Variants in TMEM245 observed in about 807,000 individuals in gnomAD.
TMEM245 encodes protein CG-2.
A neutral mutation model predicts 101.2 loss-of-function variants in TMEM245; 69 were observed. The observed-to-expected ratio is 0.68, with a 90% CI of 0.56 to 0.83. The LOEUF (loss-of-function observed/expected upper bound fraction) is 0.83, where lower values mean the gene tolerates loss of function less well. Among genes scored for constraint, TMEM245 ranks in the 40% least tolerant of loss-of-function variants. The pLI is 0.00. For synonymous variants in TMEM245, 537 were observed against 449.8 expected, an observed-to-expected ratio of 1.19 and a Z score of -2.45; for missense variants, 1,075 against 1,092.8, an observed-to-expected ratio of 0.98 and a Z score of 0.23.
chr9:109,049,782 A>G (rs935352983), intron 14 of TMEM245, among the ~76,000 whole-genome samples: 23 of 152,144 alleles, frequency 1.5e-4, no homozygotes, highest in African/African-American at 5.3e-4. Flanking sequence ...AGCCAAGATC[A>G]CACCACTGCA....
intron 16 of TMEM245, chr9:109,035,886 T>C (rs1027435374): frequency 5.7e-5 from 9 of 157,196 alleles, no homozygotes; most frequent in Admixed American, 4.9e-4. Context: ...AAGGCTGCCA[T>C]GAGCCATGAC....
In TMEM245 at chr9:109,116,406, G is replaced by T. The variant is rs978654418; in HGVS notation, c.579+2929C>A. Among the ~76,000 whole-genome samples the T allele has an allele frequency of 3.9e-5, 6 of 152,154 alleles. No individual in the cohort carries two copies. The South Asian group carries it at 8.3e-4, about 21-fold the overall frequency. On this transcript the variant is annotated intron_variant, in intron 1 of 17. Coordinates refer to ENST00000374586, the MANE Select transcript of TMEM245 (RefSeq NM_032012.4). ...TTTCTTATTTTAAAAGACTGGGGGT[G>T]GGGGAGGTCTCACTATGTTGCCCAG...
At chr9:109,024,216 C>T (rs1036464272) in intron 17 of TMEM245, among the ~76,000 whole-genome samples, 1 of 152,212 alleles carries the variant, frequency 6.6e-6, no homozygotes, top group Non-Finnish European at 1.5e-5. Flanking sequence ...GTGTGTATTT[C>T]CTACACCGGC....
chr9:109,083,891 A>C, intron 7 of TMEM245, among the ~76,000 whole-genome samples: 1 of 119,946 alleles, frequency 8.3e-6, no homozygotes, highest in Non-Finnish European at 1.8e-5. Context: ...CCCCATCTCT[A>C]CTAAAAATAC....
At chr9:109,117,240 G>T (rs1206567994) in intron 1 of TMEM245, among the ~76,000 whole-genome samples, 2 of 151,016 alleles carry the variant, frequency 1.3e-5, no homozygotes, top group Non-Finnish European at 1.5e-5. Context: ...CTCCCAAATA[G>T]TTGGGATTAC....
intron 14 of TMEM245, among the ~76,000 whole-genome samples, chr9:109,049,159 C>T (rs1828595166): frequency 6.6e-6 from 1 of 152,202 alleles, no homozygotes; most frequent in Non-Finnish European, 1.5e-5. Context: ...TAGACCATTA[C>T]ATCTTTGTAA....
chr9:109,040,219 T>C (rs1033610675), intron 14 of TMEM245, among the ~76,000 whole-genome samples: 25 of 152,330 alleles, frequency 1.6e-4, no homozygotes, highest in African/African-American at 6.0e-4. Context: ...TCATTACTTG[T>C]GATCTGGCAC....
rs554801811 is a variant in TMEM245 at position 109,046,492 on chromosome 9, G to A, written c.2123+3791C>T. Among the ~76,000 whole-genome samples the A allele has an allele frequency of 3.3e-5, 5 of 152,292 alleles. No homozygotes were observed. The East Asian group carries it at 9.6e-4, about 29-fold the overall frequency. The stretch of plus-strand genomic sequence containing the variant: ...AATACTTATTCAGAATCAAAATAAT[G>A]AGTAAGGTTCAAAACTTCAATGAGA... On this transcript the variant is annotated intron_variant, in intron 14 of 17. Coordinates refer to ENST00000374586, the MANE Select transcript of TMEM245 (RefSeq NM_032012.4).
chr9:109,060,154 G>A (rs774278156), intron 11 of TMEM245, among the ~76,000 whole-genome samples, 200 bp downstream of exon 11: 1 of 152,164 alleles, frequency 6.6e-6, no homozygotes, highest in African/African-American at 2.4e-5. Flanking sequence ...GAATACTGAC[G>A]CACCAGAGAG....
At chr9:109,031,713 CCTGT>C (rs543972926) in intron 17 of TMEM245, among the ~76,000 whole-genome samples, 270 of 152,192 alleles carry the variant, frequency 1.8e-3, no homozygotes, top group African/African-American at 2.9e-3. Flanking sequence ...AAAAAATCAA[CCTGT>C]CTATTTAGAG....
At chr9:109,039,924 T>C (rs1385902483) in intron 14 of TMEM245, among the ~76,000 whole-genome samples, 1 of 152,108 alleles carries the variant, frequency 6.6e-6, no homozygotes, top group Admixed American at 6.5e-5. Context: ...TGATCCTTTC[T>C]TTAACCTTAT....
intron 15 of TMEM245, among the ~76,000 whole-genome samples, chr9:109,036,754 T>C (rs1828138936): frequency 6.6e-6 from 1 of 152,180 alleles, no homozygotes; most frequent in Non-Finnish European, 1.5e-5. Context: ...AGAAATTAGT[T>C]TCTAAACCTC....
At chr9:109,053,271 A>C (rs1828738980) in intron 12 of TMEM245, among the ~76,000 whole-genome samples, 1 of 152,098 alleles carries the variant, frequency 6.6e-6, no homozygotes, top group Non-Finnish European at 1.5e-5. Flanking sequence ...ACTAACATAC[A>C]AAAAAATTAG....
intron 3 of TMEM245, among the ~76,000 whole-genome samples, chr9:109,102,531 T>A (rs1010155509): frequency 2.0e-5 from 3 of 152,362 alleles, no homozygotes; most frequent in African/African-American, 4.8e-5. Context: ...TCTATAAGTG[T>A]ATTCATTGAC....
At chr9:109,041,451 A>AT (rs1828302334) in intron 14 of TMEM245, among the ~76,000 whole-genome samples, 2 of 134,222 alleles carry the variant, frequency 1.5e-5, no homozygotes, top group African/African-American at 6.1e-5. Context: ...GCCATCCTAC[A>AT]AATTTTTTTT....
chr9:109,030,617 G>A (rs1414553295), intron 17 of TMEM245, among the ~76,000 whole-genome samples: 3 of 152,172 alleles, frequency 2.0e-5, no homozygotes, highest in African/African-American at 4.8e-5. Context: ...GAGCACCGCT[G>A]GCTTCTCAGG....
chr9:109,089,675 A>T (rs934939463), intron 5 of TMEM245, among the ~76,000 whole-genome samples: 1 of 152,202 alleles, frequency 6.6e-6, no homozygotes, highest in African/African-American at 2.4e-5. Context: ...CCTGTCAGAG[A>T]AAACTCTCCC....
chr9:109,077,134 G>A (rs1409308561), intron 8 of TMEM245, among the ~76,000 whole-genome samples: 5 of 151,424 alleles, frequency 3.3e-5, no homozygotes, highest in South Asian at 2.1e-4. Flanking sequence ...TTGACTGACC[G>A]CGTTTTTTGG....
At chr9:109,101,310 T>TA (rs1349547224) in intron 3 of TMEM245, among the ~76,000 whole-genome samples, 1 of 152,064 alleles carries the variant, frequency 6.6e-6, no homozygotes, top group African/African-American at 2.4e-5. Context: ...GAGCAAGTGA[T>TA]ACAACGGGAC....
Sources: gnomAD v4.1 joint callset for allele counts (sites outside exome capture counted in the v4.1 genomes callset) on GRCh38, gnomAD v4.1.1 for gene constraint, MANE v1.5 for transcripts, NCBI Gene and HGNC (gene_info 2026-07-23, HGNC 2026-07-21) for gene names.